CRTC3: variants seen among roughly 807,000 people sequenced by gnomAD.
CRTC3 encodes CREB-regulated transcription coactivator 3.
In CRTC3, 26 loss-of-function variants were observed where a neutral mutation model predicts 74.5. The observed-to-expected ratio is 0.35, with a 90% CI of 0.26 to 0.48. The LOEUF is 0.48. Among genes scored for constraint, CRTC3 ranks in the 20% least tolerant of loss-of-function variants. CRTC3 has a pLI of 0.99. For missense variants in CRTC3, 760 were observed against 787.3 expected (o/e 0.97, Z 0.41); for synonymous variants, 377 against 325.8 (o/e 1.16, Z -1.69).
chr15:90,597,433 G>A (rs1967955546), intron 3 of CRTC3, among the ~76,000 whole-genome samples: 1 of 152,212 alleles, frequency 6.6e-6, no homozygotes. Flanking sequence ...GTGAAGAGAT[G>A]CCTAAGACCT....
chr15:90,632,731 A>G (rs1254645143), intron 11 of CRTC3, among the ~76,000 whole-genome samples: 1 of 152,160 alleles, frequency 6.6e-6, no homozygotes, highest in East Asian at 1.9e-4. Flanking sequence ...CAGCTTCCTA[A>G]GTAGCTGGGA....
At chr15:90,555,923 A>T (rs1022006523) in intron 2 of CRTC3, among the ~76,000 whole-genome samples, 4 of 152,082 alleles carry the variant, frequency 2.6e-5, no homozygotes, top group African/African-American at 9.7e-5. Flanking sequence ...TATAAAAGTA[A>T]TATGTGCTCA....
chr15:90,567,493 C>T (rs1227583380), intron 2 of CRTC3, among the ~76,000 whole-genome samples: 1 of 151,970 alleles, frequency 6.6e-6, no homozygotes, highest in East Asian at 1.9e-4. Flanking sequence ...TCAAGAACAG[C>T]CTGGCCAACA....
chr15:90,601,254 G>C (rs7163773), intron 3 of CRTC3, among the ~76,000 whole-genome samples: 100,756 of 151,924 alleles, frequency 0.66, 33,884 homozygotes, highest in South Asian at 0.77. Flanking sequence ...CCAAGGCATG[G>C]TAGACCCAGT....
chr15:90,563,336 G>T (rs1310086987), intron 2 of CRTC3, among the ~76,000 whole-genome samples: 1 of 152,110 alleles, frequency 6.6e-6, no homozygotes, highest in Non-Finnish European at 1.5e-5. Flanking sequence ...AACCGAGGAG[G>T]CGGAAGTTGC....
chr15:90,617,196 C>T (rs911483760), intron 7 of CRTC3, among the ~76,000 whole-genome samples: 3 of 152,310 alleles, frequency 2.0e-5, no homozygotes, highest in East Asian at 1.9e-4. Flanking sequence ...AGCTCCAAAG[C>T]CCTCCTGGCC....
intron 11 of CRTC3, among the ~76,000 whole-genome samples, chr15:90,630,426 C>T (rs990523627): frequency 6.6e-6 from 1 of 152,110 alleles, no homozygotes; most frequent in African/African-American, 2.4e-5. Flanking sequence ...GAGAAAGAGG[C>T]ACATTTAAAA....
intron 2 of CRTC3, among the ~76,000 whole-genome samples, chr15:90,554,504 A>C (rs1021674470): frequency 6.6e-6 from 1 of 152,168 alleles, no homozygotes; most frequent in Non-Finnish European, 1.5e-5. Flanking sequence ...TGACCAGCCA[A>C]GGTATTTCCT....
At chr15:90,552,873 G>C (rs1393693383) in intron 2 of CRTC3, among the ~76,000 whole-genome samples, 2 of 152,110 alleles carry the variant, frequency 1.3e-5, no homozygotes, top group African/African-American at 4.8e-5. Flanking sequence ...TTGTGGCATA[G>C]TTCTTTGCTC....
chr15:90,564,725 C>A (rs1409226893), intron 2 of CRTC3, among the ~76,000 whole-genome samples: 2 of 152,146 alleles, frequency 1.3e-5, no homozygotes, highest in Non-Finnish European at 2.9e-5. Flanking sequence ...AAATAGGAAA[C>A]CTAACCAGCA....
chr15:90,546,904 T>A (rs1966845235), intron 2 of CRTC3, among the ~76,000 whole-genome samples: 1 of 152,184 alleles, frequency 6.6e-6, no homozygotes, highest in Non-Finnish European at 1.5e-5. Context: ...ATTACAGGCG[T>A]GAGCCACAAC....
chr15:90,579,359 C>G (rs1443023200), intron 2 of CRTC3, among the ~76,000 whole-genome samples: 1 of 152,136 alleles, frequency 6.6e-6, no homozygotes, highest in Non-Finnish European at 1.5e-5. Flanking sequence ...GACCGACAGC[C>G]TTGGGGAAGT....
intron 10 of CRTC3, among the ~76,000 whole-genome samples, chr15:90,628,249 T>A (rs1968912079): frequency 6.6e-6 from 1 of 151,952 alleles, no homozygotes; most frequent in African/African-American, 2.4e-5. Flanking sequence ...GTGATAATAA[T>A]AATTTTGCCA....
chr15:90,563,683 A>G (rs1967061730), intron 2 of CRTC3, among the ~76,000 whole-genome samples: 1 of 152,186 alleles, frequency 6.6e-6, no homozygotes, highest in Non-Finnish European at 1.5e-5. Flanking sequence ...CTCCCCCTTT[A>G]AGGTTAGCCA....
chr15:90,632,269 T>C (rs982597401), intron 11 of CRTC3, among the ~76,000 whole-genome samples: 1 of 152,126 alleles, frequency 6.6e-6, no homozygotes, highest in Non-Finnish European at 1.5e-5. Context: ...CCCTTTCAGA[T>C]GTGTTTTTAA....
intron 9 of CRTC3, among the ~76,000 whole-genome samples, chr15:90,624,631 C>G (rs1968765477): frequency 6.6e-6 from 1 of 152,256 alleles, no homozygotes; most frequent in African/African-American, 2.4e-5. Context: ...CCCGGTGTCA[C>G]TTATATGCAC....
intron 2 of CRTC3, among the ~76,000 whole-genome samples, chr15:90,574,416 T>G (rs947344788): frequency 6.6e-6 from 1 of 152,126 alleles, no homozygotes; most frequent in African/African-American, 2.4e-5. Flanking sequence ...AGGCGGAGGT[T>G]GCAGTGAGCC....
intron 2 of CRTC3, among the ~76,000 whole-genome samples, chr15:90,560,117 G>T (rs1230849200): frequency 6.6e-6 from 1 of 152,088 alleles, no homozygotes; most frequent in South Asian, 2.1e-4. Flanking sequence ...GTTTGATGAT[G>T]TTTTTTGGAA....
intron 3 of CRTC3, chr15:90,599,663 A>G (rs1272808644): frequency 1.3e-5 from 2 of 152,206 alleles, no homozygotes; most frequent in South Asian, 2.1e-4. Flanking sequence ...ACCTAATTAT[A>G]TTAAAAATTT....
Sources: gnomAD v4.1 joint callset for allele counts (sites outside exome capture counted in the v4.1 genomes callset) on GRCh38, gnomAD v4.1.1 for gene constraint, MANE v1.5 for transcripts, NCBI Gene and HGNC (gene_info 2026-07-23, HGNC 2026-07-21) for gene names.